The following ACSL1 variants were observed in gnomAD, a reference collection of about 807,000 sequenced individuals.
ACSL1 encodes acyl-CoA synthetase long chain family member 1.
A neutral mutation model predicts 98.4 loss-of-function variants in ACSL1; 41 were observed. The ratio of observed to expected loss-of-function variants is 0.42; its 90% CI spans 0.32 to 0.54. The LOEUF (loss-of-function observed/expected upper bound fraction) is 0.54, where lower values mean the gene tolerates loss of function less well. Ranked by LOEUF, ACSL1 falls within the 20% of genes least tolerant of loss-of-function variation. The probability of loss-of-function intolerance (pLI) is 0.13; values close to 1 mark genes in which losing one functional copy is unlikely to be tolerated. For synonymous variants in ACSL1, 316 were observed against 322.7 expected, an observed-to-expected ratio of 0.98 and a Z score of 0.22; for missense variants, 734 against 883.1, an observed-to-expected ratio of 0.83 and a Z score of 2.14.
intron 6 of ACSL1, 71 bp downstream of exon 6, chr4:184,776,813 T>C: frequency 6.5e-7 from 1 of 1,541,548 alleles, no homozygotes; most frequent in Non-Finnish European, 8.9e-7. Flanking sequence ...AAATCAAATG[T>C]AAGCAAATGT....
chr4:184,773,666 T>C lies in ACSL1; in HGVS notation c.838A>G (p.Thr280Ala), dbSNP rs1427490183. 5.0e-6 allele frequency: 8 copies of C among 1,611,706 alleles called. No individual in the cohort carries two copies. The South Asian group carries it at 5.5e-5, about 11-fold the overall frequency. ...LAVICFTSGT[T>A]GNPKGAMVTH... ...GCAATTCTATCTCAAAACTCACCTG[T>C]AGTTCCACTTGTGAAACAAATTACT... Residue 280 changes from threonine to alanine, a missense_variant, in exon 9 of 21, where the codon ACA (threonine) becomes GCA (alanine). Thr to Ala is a moderately conservative substitution (Grantham distance 58). Transcript: ENST00000281455. The surrounding 1 kb of genome is among the most constrained non-coding windows in gnomAD (Gnocchi z 4.3).
intron 2 of ACSL1, among the ~76,000 whole-genome samples, chr4:184,801,383 G>A (rs990747113): frequency 6.6e-6 from 1 of 152,088 alleles, no homozygotes; most frequent in African/African-American, 2.4e-5. Context: ...AATGAGGGTG[G>A]GAACTGGCAA....
At chr4:184,790,379 C>T (rs897893561) in intron 2 of ACSL1, among the ~76,000 whole-genome samples, 3 of 151,992 alleles carry the variant, frequency 2.0e-5, no homozygotes, top group Non-Finnish European at 2.9e-5. Flanking sequence ...TTTTTTTATG[C>T]TTATACATTT....
At chr4:184,772,952 C>A in intron 10 of ACSL1, 129 bp downstream of exon 10, 1 of 791,072 alleles carries the variant, frequency 1.3e-6, no homozygotes. Context: ...AAGTTCTGAC[C>A]TTACCCATAT....
chr4:184,790,941 G>A (rs1284407861), intron 2 of ACSL1, among the ~76,000 whole-genome samples: 1 of 152,120 alleles, frequency 6.6e-6, no homozygotes, highest in East Asian at 1.9e-4. Flanking sequence ...AAGGCACCAA[G>A]GCTAAGGTAG....
intron 1 of ACSL1, among the ~76,000 whole-genome samples, chr4:184,821,550 C>T (rs930926227): frequency 6.6e-6 from 1 of 152,204 alleles, no homozygotes; most frequent in African/African-American, 2.4e-5. Flanking sequence ...AATACATGAA[C>T]CCAAAAGTCC....
chr4:184,822,607 T>C (rs1773148935), intron 1 of ACSL1, among the ~76,000 whole-genome samples: 1 of 152,066 alleles, frequency 6.6e-6, no homozygotes, highest in Non-Finnish European at 1.5e-5. Flanking sequence ...GGCATAGTGA[T>C]GTGCGCCTGT....
chr4:184,800,235 C>A (rs1253204763), intron 2 of ACSL1, among the ~76,000 whole-genome samples: 1 of 152,216 alleles, frequency 6.6e-6, no homozygotes, highest in Non-Finnish European at 1.5e-5. Context: ...TATGAGGAAT[C>A]TGAAGGTCAG....
chr4:184,782,083 T>G (rs975492204), intron 4 of ACSL1, among the ~76,000 whole-genome samples: 1 of 152,048 alleles, frequency 6.6e-6, no homozygotes, highest in African/African-American at 2.4e-5. Context: ...CGTGGTAAGG[T>G]GACAATAGGA....
At chr4:184,813,996 T>A in intron 1 of ACSL1, 1 of 421,186 alleles carries the variant, frequency 2.4e-6, no homozygotes, top group Non-Finnish European at 4.9e-6. Flanking sequence ...ATAAACAGAA[T>A]ATGAACATGT....
chr4:184,757,353 CT>C lies in ACSL1; in HGVS notation c.1957-89del. On this transcript the variant is annotated intron_variant, in intron 20 of 20. Transcript: ENST00000281455. This position sits in a 1 kb window ranked among gnomAD's most constrained non-coding sequence, Gnocchi z 4.5. ...GTAAGCCTTGGAGGGGATCAACACT[CT>C]CCAGCCATCCAATCCATCCTCTCAT... is the stretch of plus-strand genomic sequence containing the variant. 1 of 1,459,996 alleles carries C rather than the reference CT, an allele frequency of 6.8e-7. No individual in the cohort carries two copies. The highest frequency in any genetic ancestry group is 9.2e-7 in the Non-Finnish European group (1 of 1,088,060). 90.4% of individuals were successfully genotyped at this position (1,459,996 alleles called of 1,614,324 possible). A position where few individuals can be genotyped will look rare whatever the true frequency, so the allele number is the denominator to read the frequency against.
Position 184,780,388 on chromosome 4 carries a change from C to T in ACSL1, c.421G>A (p.Gly141Ser). ...AACTGATCTGGGGCAGTCTTGAAGC[C>T]CTTCTGGATCAGTGCTGAGCCTATG... Reference protein sequence around the residue: ...ECIGSALIQKGFKTAPDQFIG... With the variant: ...ECIGSALIQKSFKTAPDQFIG... Residue 141 changes from glycine (G) to serine (S), a missense_variant, in exon 5 of 21, where the codon GGC becomes AGC. Coordinates refer to ENST00000281455, the MANE Select transcript of ACSL1 (RefSeq NM_001995.5). The T allele has an allele frequency of 6.2e-7, 1 of 1,613,748 alleles. No individual in the cohort carries two copies. Among genetic ancestry groups the T allele is most frequent in the South Asian group, 1.1e-5 (1 of 91,084 alleles).
chr4:184,815,182 A>G (rs1772515649), intron 1 of ACSL1: 1 of 448,158 alleles, frequency 2.2e-6, no homozygotes, highest in Non-Finnish European at 4.5e-6. Flanking sequence ...CTGTCCAGAG[A>G]GCTGAGGGTG....
At chr4:184,820,851 G>C (rs1195231974) in intron 1 of ACSL1, among the ~76,000 whole-genome samples, 1 of 152,116 alleles carries the variant, frequency 6.6e-6, no homozygotes, top group African/African-American at 2.4e-5. Context: ...AAAATGCTGG[G>C]ATTACAGGCG....
chr4:184,796,340 T>C (rs977476766), intron 2 of ACSL1, among the ~76,000 whole-genome samples: 9 of 152,206 alleles, frequency 5.9e-5, no homozygotes, highest in African/African-American at 2.2e-4. Flanking sequence ...TAAACTCCTA[T>C]ATATCCATCC....
At chr4:184,779,326 T>C in intron 5 of ACSL1, among the ~76,000 whole-genome samples, 1 of 152,176 alleles carries the variant, frequency 6.6e-6, no homozygotes, top group Non-Finnish European at 1.5e-5. Flanking sequence ...TTCTTCCGCA[T>C]TTTCTCTTGC....
chr4:184,780,419 C>G lies in ACSL1; in HGVS notation c.390G>C (p.Ser130=), dbSNP rs114516038. 6.2e-7 allele frequency: 1 copy of G among 1,612,504 alleles called. No individual in the cohort carries two copies. Among genetic ancestry groups the G allele is most frequent in the East Asian group, 2.2e-5 (1 of 44,866 alleles). Residue 130 remains serine (S), a synonymous_variant, in exon 5 of 21, where the codon TCG becomes TCC. Transcript: ENST00000281455. ...WLSYKQVAEL[S]ECIGSALIQK... Reference sequence around the variant, plus strand: ...GGATCAGTGCTGAGCCTATGCACTCCGACAATTCTGCAACCTAAAATGGAG... The same window carrying G: ...GGATCAGTGCTGAGCCTATGCACTCGGACAATTCTGCAACCTAAAATGGAG...
intron 2 of ACSL1, among the ~76,000 whole-genome samples, chr4:184,795,764 A>G (rs1448149259): frequency 6.6e-6 from 1 of 152,218 alleles, no homozygotes; most frequent in East Asian, 1.9e-4. Flanking sequence ...GTTTCCTGTA[A>G]TGTAGATTTG....
chr4:184,823,760 A>G (rs1270716159), intron 1 of ACSL1, among the ~76,000 whole-genome samples: 1 of 152,262 alleles, frequency 6.6e-6, no homozygotes, highest in South Asian at 2.1e-4. Context: ...ATGTCAATGC[A>G]TAAGAAATTT....
Sources: allele counts gnomAD v4.1 joint callset (sites outside exome capture counted in the v4.1 genomes callset), GRCh38; gene constraint gnomAD v4.1.1; non-coding constraint Gnocchi (gnomAD v3.1); transcripts MANE v1.5; gene names NCBI Gene and HGNC (gene_info 2026-07-23, HGNC 2026-07-21).